The following MYLK variants were observed in gnomAD, a reference collection of about 807,000 sequenced individuals.
MYLK encodes myosin light chain kinase.
Under a neutral mutation model 203.4 loss-of-function variants are expected in MYLK, and 106 were observed. The observed-to-expected ratio is 0.52, with a 90% CI of 0.45 to 0.61. The LOEUF (loss-of-function observed/expected upper bound fraction) is 0.61, where lower values mean the gene tolerates loss of function less well. Among genes scored for constraint, MYLK ranks in the 20% least tolerant of loss-of-function variants. MYLK has a pLI of 0.00. For synonymous variants in MYLK, 867 were observed against 959.5 expected (o/e 0.90, Z 1.78); for missense variants, 2,072 against 2,442.3 (o/e 0.85, Z 3.20).
intron 2 of MYLK, among the ~76,000 whole-genome samples, chr3:123,871,437 C>G (rs532473286): frequency 6.6e-6 from 1 of 151,904 alleles, no homozygotes; most frequent in African/African-American, 2.4e-5. Context: ...GCCAGATTGA[C>G]CAAGAGCAAA....
At chr3:123,809,914 C>G (rs2065498913) in intron 3 of MYLK, among the ~76,000 whole-genome samples, 1 of 152,184 alleles carries the variant, frequency 6.6e-6, no homozygotes, top group Admixed American at 6.5e-5. Context: ...CTTCTATATT[C>G]CAACTTCTTA....
rs535983286 is a variant in MYLK at position 123,629,811 on chromosome 3, CT to C, written c.4962-186del. 91 of 628,172 alleles carry C rather than the reference CT, an allele frequency of 1.4e-4. No homozygotes were observed. The South Asian group carries it at 1.7e-3, about 12-fold the overall frequency. The allele number at this position is 628,172 out of a possible 1,614,324, so 38.9% of individuals were successfully genotyped here. On this transcript the variant is annotated intron_variant, in intron 29 of 33. Transcript: ENST00000360304. This position sits in a 1 kb window ranked among gnomAD's most constrained non-coding sequence, Gnocchi z 4.4. The stretch of plus-strand genomic sequence containing the variant: ...AAGAGGGTGTGGTTCACAGCCCTGT[CT>C]TTTCTTGGTCACCTGCCTCTTGACA...
intron 31 of MYLK, chr3:123,622,503 C>CAGTG (rs1355659069): frequency 6.6e-6 from 1 of 152,220 alleles, no homozygotes; most frequent in Non-Finnish European, 1.5e-5. Flanking sequence ...CTGTCTTCAC[C>CAGTG]TGTGTGGTGT....
intron 2 of MYLK, among the ~76,000 whole-genome samples, chr3:123,874,078 T>C (rs1181939764): frequency 1.3e-5 from 2 of 152,164 alleles, no homozygotes; most frequent in Admixed American, 6.5e-5. Flanking sequence ...TCTCTCCAAA[T>C]TGACTTATAG....
chr3:123,849,881 T>G (rs956270162), intron 2 of MYLK, among the ~76,000 whole-genome samples: 7 of 152,232 alleles, frequency 4.6e-5, no homozygotes, highest in Non-Finnish European at 7.3e-5. Context: ...CTCCTAATGC[T>G]ATCCCTCTCC....
In MYLK at chr3:123,708,700, T is replaced by C; in HGVS notation, c.2138A>G (p.Gln713Arg). ...EVRTQAVLTV[Q>R]EPHDGTQPWF... is the part of the protein sequence containing the mutation. ...CGCTCTGAGTGGGTCAGCCTCACCTTGTACCGTGAGCACGGCCTGGGTGCG... is the reference window on the plus strand; with the variant it reads ...CGCTCTGAGTGGGTCAGCCTCACCTCGTACCGTGAGCACGGCCTGGGTGCG... Residue 713 changes from glutamine (Q) to arginine (R), a missense_variant and splice_region_variant, in exon 15 of 34, where the codon CAA becomes CGA. By Grantham distance (43) the Gln-to-Arg change is conservative. This residue lies in a region of MYLK where 865 missense variants were observed against 1,016.0 expected (regional missense o/e 0.85). Coordinates refer to ENST00000360304, the MANE Select transcript of MYLK (RefSeq NM_053025.4). The C allele has an allele frequency of 6.2e-7, 1 of 1,614,058 alleles. No homozygotes were observed.
chr3:123,690,358 C>A (rs534544054), intron 19 of MYLK, among the ~76,000 whole-genome samples: 1 of 152,322 alleles, frequency 6.6e-6, no homozygotes, highest in South Asian at 2.1e-4. Context: ...ACTATGGACC[C>A]CTCTCTTCAG....
intron 23 of MYLK, 98 bp from the exon 24 acceptor site, chr3:123,657,526 G>A (rs1352255317): frequency 7.9e-7 from 1 of 1,258,670 alleles, no homozygotes; most frequent in Non-Finnish European, 1.1e-6. Context: ...GCAGCCTAGA[G>A]AACCCAATCC....
intron 11 of MYLK, among the ~76,000 whole-genome samples, chr3:123,728,642 C>T (rs1019754963): frequency 1.3e-5 from 2 of 152,182 alleles, no homozygotes; most frequent in Non-Finnish European, 2.9e-5. Context: ...GTAAGAACAG[C>T]AAGCTATGTG....
intron 31 of MYLK, 127 bp downstream of exon 31, chr3:123,626,691 C>G (rs1472217896): frequency 7.1e-7 from 1 of 1,406,938 alleles, no homozygotes; most frequent in Non-Finnish European, 9.9e-7. Flanking sequence ...CTAAATTGGT[C>G]CCAGACTACT....
Position 123,707,801 on chromosome 3 carries a change from T to C in MYLK, c.2343A>G (p.Leu781=). 2 of 1,614,208 alleles carry C rather than the reference T, an allele frequency of 1.2e-6. No homozygotes were observed. Among genetic ancestry groups the C allele is most frequent in the South Asian group, 1.1e-5 (1 of 91,084 alleles). Residue 781 remains leucine, a synonymous_variant, in exon 16 of 34, where the codon CTA becomes CTG. Transcript: ENST00000360304. ...CGGCATGCCAGGGCTGCACCTTCTT[T>C]AGAACCAGGGTGAACACGTCCTCAT... ...LQNEDVFTLV[L]KKVQPWHAGQ... is the part of the protein sequence containing the mutation.
intron 13 of MYLK, among the ~76,000 whole-genome samples, chr3:123,715,074 C>T (rs6790047): frequency 2.6e-5 from 4 of 152,132 alleles, no homozygotes; most frequent in Non-Finnish European, 5.9e-5. Context: ...GAGAGACAGA[C>T]AGATATACGC....
Position 123,678,654 on chromosome 3 carries a change from A to AAC in MYLK, c.3652+3568_3652+3569dup, listed in dbSNP as rs151133463. 1.1e-3 allele frequency among the ~76,000 whole-genome samples: 169 copies of AAC among 150,344 alleles called. 2 individuals are homozygous for AAC. The highest frequency in any genetic ancestry group is 3.1e-3 in the African/African-American group (128 of 40,984). ...CTTGACACAGAGGAACACACACACA[A>AAC]ACACACACACACACACAGCCAGATC... On this transcript the variant is annotated intron_variant, in intron 20 of 33. Transcript: ENST00000360304.
chr3:123,793,743 AG>A lies in MYLK; in HGVS notation c.98del (p.Pro33LeufsTer32). 2 of 1,614,190 alleles carry A rather than the reference AG, an allele frequency of 1.2e-6. No individual in the cohort carries two copies. Among genetic ancestry groups the A allele is most frequent in the Non-Finnish European group, 1.7e-6 (2 of 1,180,028 alleles). ...GGTTCCGAGGGGGCAAAATGAAAGCAGGGGCCTCTGTCAGGGGCATGGAGTC... is the reference window on the plus strand; with the variant it reads ...GGTTCCGAGGGGGCAAAATGAAAGCAGGGCCTCTGTCAGGGGCATGGAGTC... ...RVDSMPLTEA[P>X]AFILPPRNLC... On this transcript the variant is annotated frameshift_variant, in exon 4 of 34. Coordinates refer to ENST00000360304, the MANE Select transcript of MYLK (RefSeq NM_053025.4). LOFTEE classifies it high-confidence loss of function.
At chr3:123,835,166 C>A (rs1040310176) in intron 2 of MYLK, among the ~76,000 whole-genome samples, 3 of 152,188 alleles carry the variant, frequency 2.0e-5, no homozygotes, top group Admixed American at 1.3e-4. Flanking sequence ...GTTAGAAATG[C>A]AGATTATTGG....
intron 21 of MYLK, chr3:123,666,908 G>A (rs2059753285): frequency 3.3e-6 from 2 of 611,750 alleles, no homozygotes; most frequent in Non-Finnish European, 5.8e-6. Context: ...CAACATGGGA[G>A]GCAGATGGAA....
At chr3:123,735,364 G>A (rs1302730966) in intron 9 of MYLK, 34 bp downstream of exon 9, 3 of 1,613,408 alleles carry the variant, frequency 1.9e-6, no homozygotes, top group African/African-American at 2.7e-5. Context: ...CATTTCAAGA[G>A]GGAAAACGTA....
intron 13 of MYLK, among the ~76,000 whole-genome samples, chr3:123,712,942 C>T (rs1466156410): frequency 6.6e-6 from 1 of 152,238 alleles, no homozygotes. Context: ...AGTCAAAGAA[C>T]CAATGGAGTC....
chr3:123,850,473 T>A (rs1436644595), intron 2 of MYLK, among the ~76,000 whole-genome samples: 1 of 152,250 alleles, frequency 6.6e-6, no homozygotes. Flanking sequence ...GCGGTTTTGA[T>A]TTGCATTTCT....
Sources: gnomAD v4.1 joint callset for allele counts (sites outside exome capture counted in the v4.1 genomes callset) on GRCh38, gnomAD v4.1.1 for gene constraint, gnomAD v4.1.1 regional missense constraint, Gnocchi (gnomAD v3.1) non-coding constraint, MANE v1.5 for transcripts, NCBI Gene and HGNC (gene_info 2026-07-23, HGNC 2026-07-21) for gene names.